TNIK: variants seen among roughly 807,000 people sequenced by gnomAD.
TNIK encodes TRAF2 and NCK interacting kinase.
In TNIK, 49 loss-of-function variants were observed where a neutral mutation model predicts 191.3. That is an observed-to-expected ratio of 0.26 (90% CI 0.20 to 0.32). TNIK has a LOEUF of 0.32. Among genes scored for constraint, TNIK ranks in the 10% least tolerant of loss-of-function variants. TNIK has a pLI of 1.00. For synonymous variants in TNIK, 594 were observed against 600.9 expected, an observed-to-expected ratio of 0.99 and a Z score of 0.17; for missense variants, 1,155 against 1,702.3, an observed-to-expected ratio of 0.68 and a Z score of 5.66.
At chr3:171,069,242 A>ATGT (rs1261476976) in intron 29 of TNIK, among the ~76,000 whole-genome samples, 80 of 152,088 alleles carry the variant, frequency 5.3e-4, no homozygotes, top group African/African-American at 1.7e-3. Flanking sequence ...CACAGGTGTA[A>ATGT]ATTTTGATAG....
At chr3:171,282,685 A>G (rs760615039) in intron 2 of TNIK, among the ~76,000 whole-genome samples, 3 of 152,172 alleles carry the variant, frequency 2.0e-5, no homozygotes, top group Non-Finnish European at 4.4e-5. Context: ...AACAAATGAA[A>G]CTGAAAAAGA....
chr3:171,153,755 T>A (rs1052175878), intron 12 of TNIK, among the ~76,000 whole-genome samples: 2 of 152,206 alleles, frequency 1.3e-5, no homozygotes. Context: ...CCTGCATGAC[T>A]GTGCCATGGC....
intron 18 of TNIK, among the ~76,000 whole-genome samples, chr3:171,117,696 C>T (rs180773784): frequency 8.8e-4 from 134 of 152,194 alleles, no homozygotes; most frequent in Middle Eastern, 3.4e-3. Flanking sequence ...TCTGGCCGGG[C>T]GCGGTGGCTC....
At chr3:171,291,884 C>G (rs955087152) in intron 2 of TNIK, among the ~76,000 whole-genome samples, 3 of 152,136 alleles carry the variant, frequency 2.0e-5, no homozygotes, top group African/African-American at 7.2e-5. Flanking sequence ...TTCATTCTGT[C>G]CCACAGGTCT....
At chr3:171,066,548 T>C in intron 31 of TNIK, 28 bp downstream of exon 31, 6 of 1,613,192 alleles carry the variant, frequency 3.7e-6, no homozygotes, top group Non-Finnish European at 5.1e-6. Context: ...GTGTAACTGC[T>C]GAAGGAGATA....
intron 2 of TNIK, among the ~76,000 whole-genome samples, chr3:171,317,404 G>A (rs1754753019): frequency 1.3e-5 from 2 of 152,148 alleles, no homozygotes; most frequent in African/African-American, 4.8e-5. Flanking sequence ...ATCCATGGAG[G>A]ACTGCTCAAT....
At position 171,094,326 on chromosome 3, in the gene TNIK, C is replaced by T. The variant is rs1304966948; in HGVS notation, c.2592-358G>A. ...ATTTTTTTTGTATTTTTAGTAGAGA[C>T]GGGGTTTCAACATGTTAGCCAGGAT... On this transcript the variant is annotated intron_variant, in intron 22 of 32. Coordinates refer to ENST00000436636, the MANE Select transcript of TNIK (RefSeq NM_015028.4). Among the ~76,000 whole-genome samples the T allele has an allele frequency of 2.6e-5, 4 of 152,040 alleles. No individual in the cohort carries two copies. The South Asian group carries it at 6.2e-4, about 24-fold the overall frequency.
chr3:171,413,257 A>C (rs1350999694), intron 1 of TNIK, among the ~76,000 whole-genome samples: 1 of 152,234 alleles, frequency 6.6e-6, no homozygotes, highest in Non-Finnish European at 1.5e-5. Context: ...GGCTCTGATT[A>C]AATAACTAGC....
At chr3:171,402,163 T>C (rs1208595808) in intron 1 of TNIK, among the ~76,000 whole-genome samples, 1 of 152,218 alleles carries the variant, frequency 6.6e-6, no homozygotes, top group Non-Finnish European at 1.5e-5. Flanking sequence ...TTACTATAAA[T>C]ACAGCAGCAC....
intron 1 of TNIK, among the ~76,000 whole-genome samples, chr3:171,459,786 A>C (rs13060085): frequency 0.87 from 131,393 of 151,526 alleles, 57,267 homozygotes; most frequent in African/African-American, 0.95. Flanking sequence ...GGGAGAGCCT[A>C]AGCCACGGCC....
intron 30 of TNIK, among the ~76,000 whole-genome samples, chr3:171,068,549 A>G (rs1718757464): frequency 6.6e-6 from 1 of 152,246 alleles, no homozygotes; most frequent in South Asian, 2.1e-4. Flanking sequence ...TTGTCTACCG[A>G]ATATAATTCA....
intron 2 of TNIK, among the ~76,000 whole-genome samples, chr3:171,269,335 T>G (rs2109178796): frequency 6.6e-6 from 1 of 152,362 alleles, no homozygotes; most frequent in Non-Finnish European, 1.5e-5. Flanking sequence ...CCGAGTATTC[T>G]TTAAACACAA....
intron 22 of TNIK, among the ~76,000 whole-genome samples, chr3:171,097,418 T>G (rs558997169): frequency 6.6e-6 from 1 of 152,316 alleles, no homozygotes; most frequent in South Asian, 2.1e-4. Context: ...ATTAAGTAAA[T>G]GGGTGGTTGA....
chr3:171,170,207 A>T (rs1735103735), intron 9 of TNIK, among the ~76,000 whole-genome samples: 1 of 152,208 alleles, frequency 6.6e-6, no homozygotes, highest in South Asian at 2.1e-4. Context: ...GTTGGCATGG[A>T]GAAATAAATG....
intron 2 of TNIK, among the ~76,000 whole-genome samples, chr3:171,259,981 C>T (rs1033308028): frequency 2.0e-5 from 3 of 152,166 alleles, no homozygotes; most frequent in African/African-American, 7.2e-5. Context: ...TCCTCCTAGG[C>T]CCATCTATGC....
At chr3:171,376,195 C>T (rs576954310) in intron 1 of TNIK, among the ~76,000 whole-genome samples, 1 of 152,170 alleles carries the variant, frequency 6.6e-6, no homozygotes, top group Admixed American at 6.5e-5. Context: ...GGAGAACTCT[C>T]CACATTTATC....
At chr3:171,392,691 A>G (rs1345313903) in intron 1 of TNIK, among the ~76,000 whole-genome samples, 1 of 150,436 alleles carries the variant, frequency 6.6e-6, no homozygotes, top group Non-Finnish European at 1.5e-5. Context: ...GAGCAGGAGA[A>G]TCACTTGAAC....
chr3:171,097,341 G>A (rs553803662), intron 22 of TNIK, among the ~76,000 whole-genome samples: 9 of 152,314 alleles, frequency 5.9e-5, no homozygotes, highest in African/African-American at 2.2e-4. Flanking sequence ...AGTTGAGAAA[G>A]TTGTTTCCCA....
chr3:171,397,495 T>C (rs1010159168), intron 1 of TNIK, among the ~76,000 whole-genome samples: 7 of 152,170 alleles, frequency 4.6e-5, no homozygotes, highest in African/African-American at 1.7e-4. Flanking sequence ...CAGTATCCTA[T>C]CGTGACTGGA....
Sources: gnomAD v4.1 joint callset for allele counts (sites outside exome capture counted in the v4.1 genomes callset) on GRCh38, gnomAD v4.1.1 for gene constraint, MANE v1.5 for transcripts, NCBI Gene and HGNC (gene_info 2026-07-23, HGNC 2026-07-21) for gene names.